Variants in ROR1 observed in about 807,000 individuals in gnomAD.
The protein encoded by ROR1 is ROR family WNT receptor 1, also known as inactive tyrosine-protein kinase transmembrane receptor ROR1.
ROR1 carries 19 observed loss-of-function variants against 78.8 expected under a neutral mutation model. That is an observed-to-expected ratio of 0.24 (90% CI 0.17 to 0.35). The LOEUF is 0.35. ROR1 is among the 10% of genes least tolerant of loss of function. ROR1 has a pLI of 1.00. For synonymous variants in ROR1, 386 were observed against 433.6 expected (o/e 0.89, Z 1.36); for missense variants, 917 against 1,177.8 (o/e 0.78, Z 3.24).
intron 4 of ROR1, among the ~76,000 whole-genome samples, chr1:64,067,998 A>G (rs1646972930): frequency 1.3e-5 from 2 of 152,136 alleles, no homozygotes; most frequent in South Asian, 4.1e-4. Flanking sequence ...TCTTGTATCA[A>G]CTCAGTATTA....
chr1:63,988,535 A>G (rs1646269239), intron 1 of ROR1, among the ~76,000 whole-genome samples: 1 of 152,182 alleles, frequency 6.6e-6, no homozygotes, highest in Non-Finnish European at 1.5e-5. Flanking sequence ...CAGCTGCGTT[A>G]AGTACATTTC....
intron 1 of ROR1, among the ~76,000 whole-genome samples, chr1:63,927,954 GT>G: frequency 1.8e-5 from 2 of 112,262 alleles, no homozygotes; most frequent in African/African-American, 5.3e-5. Flanking sequence ...AATGTAAGGG[GT>G]TCCCTTTTTT....
chr1:64,118,096 G>A (rs72685193), intron 4 of ROR1, among the ~76,000 whole-genome samples: 13,399 of 152,136 alleles, frequency 0.088, 788 homozygotes, highest in Non-Finnish European at 0.13. Context: ...CCAGCTACCC[G>A]GGAGGCTAAG....
chr1:64,098,012 C>T (rs922196786), intron 4 of ROR1, among the ~76,000 whole-genome samples: 2 of 150,674 alleles, frequency 1.3e-5, no homozygotes, highest in Non-Finnish European at 3.0e-5. Context: ...GACTTAGCAT[C>T]TGCCTCACAC....
chr1:63,883,252 G>T (rs1182604046), intron 1 of ROR1, among the ~76,000 whole-genome samples: 2 of 152,114 alleles, frequency 1.3e-5, no homozygotes, highest in Non-Finnish European at 2.9e-5. Flanking sequence ...TCCCTACACT[G>T]TACTGTCTTT....
rs749661972 is a variant in ROR1 at position 64,049,795 on chromosome 1, C to T, written c.268C>T (p.Arg90Cys). ...CTCTGGGAATCCACCTCCCACCATCCGCTGGTTCAAAAATGATGCTCCTGT... is the reference window on the plus strand; with the variant it reads ...CTCTGGGAATCCACCTCCCACCATCTGCTGGTTCAAAAATGATGCTCCTGT... ...KVSGNPPPTI[R>C]WFKNDAPVVQ... is the part of the protein sequence containing the mutation. Residue 90 changes from arginine to cysteine, a missense_variant, in exon 3 of 9, where the codon CGC (arginine) becomes TGC (cysteine). Arg to Cys is a radical substitution (Grantham distance 180). Around this residue, in one of 3 missense-constraint regions of ROR1, gnomAD observed 835 missense variants for 1,069.8 expected, o/e 0.78. Transcript: ENST00000371079. 8 of 1,614,092 alleles carry T rather than the reference C, an allele frequency of 5.0e-6. No homozygotes were observed. Among genetic ancestry groups the T allele is most frequent in the Admixed American group, 1.7e-5 (1 of 60,006 alleles).
rs1425136708 is a variant in ROR1 at position 63,941,036 on chromosome 1, AG to A, written c.92-68267del. On this transcript the variant is annotated intron_variant, in intron 1 of 8. Coordinates refer to ENST00000371079, the MANE Select transcript of ROR1 (RefSeq NM_005012.4). ...ATAATAACTGTCCTGTATTTGTCATAGGCCAATGTCATGAAAAGCAAAGGCT... is the reference window on the plus strand; with the variant it reads ...ATAATAACTGTCCTGTATTTGTCATAGCCAATGTCATGAAAAGCAAAGGCT... 9.2e-5 allele frequency among the ~76,000 whole-genome samples: 14 copies of A among 152,322 alleles called. No individual in the cohort carries two copies. In the East Asian group the frequency reaches 2.3e-3, roughly 25 times the overall value.
intron 1 of ROR1, among the ~76,000 whole-genome samples, chr1:63,944,802 T>C (rs1453721431): frequency 1.3e-5 from 2 of 152,184 alleles, no homozygotes; most frequent in African/African-American, 2.4e-5. Context: ...GATACATCCT[T>C]GGCCAAATCT....
intron 4 of ROR1, among the ~76,000 whole-genome samples, chr1:64,130,731 T>G (rs1433893001): frequency 6.6e-6 from 1 of 152,228 alleles, no homozygotes; most frequent in Non-Finnish European, 1.5e-5. Flanking sequence ...TTCTTAAAGT[T>G]TCTATGTCTC....
rs184048316 is a variant in ROR1 at position 64,091,781 on chromosome 1, A to G, written c.482+41065A>G. The stretch of plus-strand genomic sequence containing the variant: ...TGTCTCTTCTCCTACTCTGTTCCCA[A>G]CATAAGATTTAGCATGAAGCCATGC... On this transcript the variant is annotated intron_variant, in intron 4 of 8. Coordinates refer to ENST00000371079, the MANE Select transcript of ROR1 (RefSeq NM_005012.4). 2.5e-3 allele frequency among the ~76,000 whole-genome samples: 382 copies of G among 152,028 alleles called. 3 individuals carry two copies. The highest frequency in any genetic ancestry group is 3.7e-3 in the Non-Finnish European group (251 of 67,984).
intron 4 of ROR1, among the ~76,000 whole-genome samples, chr1:64,132,571 C>G (rs1197480566): frequency 6.6e-6 from 1 of 151,804 alleles, no homozygotes; most frequent in Non-Finnish European, 1.5e-5. Context: ...ACCAGCCTGG[C>G]CAACATGGTG....
intron 4 of ROR1, among the ~76,000 whole-genome samples, chr1:64,061,132 T>G (rs143835106): frequency 6.6e-6 from 1 of 152,308 alleles, no homozygotes; most frequent in East Asian, 1.9e-4. Context: ...TAGCACATAG[T>G]AGATGCCTAA....
At chr1:64,153,807 G>A (rs1425543872) in intron 7 of ROR1, among the ~76,000 whole-genome samples, 1 of 152,158 alleles carries the variant, frequency 6.6e-6, no homozygotes, top group Non-Finnish European at 1.5e-5. Flanking sequence ...GCATGAAAAA[G>A]TTCTGGAGAT....
intron 2 of ROR1, among the ~76,000 whole-genome samples, chr1:64,048,032 A>G (rs1646797815): frequency 6.6e-6 from 1 of 152,190 alleles, no homozygotes; most frequent in Non-Finnish European, 1.5e-5. Context: ...TTCCTTCTGA[A>G]TTTGGGGGGA....
chr1:64,020,772 G>A (rs964866313), intron 2 of ROR1, among the ~76,000 whole-genome samples: 2 of 152,148 alleles, frequency 1.3e-5, no homozygotes, highest in Non-Finnish European at 2.9e-5. Context: ...AAGAAAGGCA[G>A]TAAAGAATTC....
intron 1 of ROR1, among the ~76,000 whole-genome samples, chr1:63,792,749 A>G (rs1385530521): frequency 6.6e-6 from 1 of 150,830 alleles, no homozygotes; most frequent in African/African-American, 2.4e-5. Flanking sequence ...GCAAAGAGAG[A>G]GAATGAGAGA....
chr1:64,151,469 G>A (rs1051138066), intron 7 of ROR1, among the ~76,000 whole-genome samples: 25 of 152,212 alleles, frequency 1.6e-4, no homozygotes, highest in Non-Finnish European at 3.4e-4. Context: ...TCAGCAAGGA[G>A]CTGGTCAGAA....
intron 2 of ROR1, among the ~76,000 whole-genome samples, chr1:64,010,279 T>A (rs975337214): frequency 6.6e-6 from 1 of 152,060 alleles, no homozygotes; most frequent in Non-Finnish European, 1.5e-5. Context: ...GTTCTTCTCT[T>A]CACATTTTCT....
intron 1 of ROR1, among the ~76,000 whole-genome samples, chr1:63,998,509 C>T (rs996025740): frequency 1.3e-5 from 2 of 152,100 alleles, no homozygotes; most frequent in Non-Finnish European, 2.9e-5. Flanking sequence ...TTCTGTTTTA[C>T]ATATTCTATT....
Sources: allele counts gnomAD v4.1 joint callset (sites outside exome capture counted in the v4.1 genomes callset), GRCh38; gene constraint gnomAD v4.1.1; regional missense constraint gnomAD v4.1.1; transcripts MANE v1.5; gene names NCBI Gene and HGNC (gene_info 2026-07-23, HGNC 2026-07-21).